The following TMCC1 variants were observed in gnomAD, a reference collection of about 807,000 sequenced individuals.
The protein encoded by TMCC1 is transmembrane and coiled-coil domains protein 1.
Under a neutral mutation model 52.4 loss-of-function variants are expected in TMCC1, and 15 were observed. The observed-to-expected ratio is 0.29, with a 90% CI of 0.19 to 0.44. The LOEUF (loss-of-function observed/expected upper bound fraction) is 0.44, where lower values mean the gene tolerates loss of function less well. Among genes scored for constraint, TMCC1 ranks in the 20% least tolerant of loss-of-function variants. The probability of loss-of-function intolerance (pLI) is 1.00; values close to 1 mark genes in which losing one functional copy is unlikely to be tolerated. For missense variants in TMCC1, 503 were observed against 806.0 expected, an observed-to-expected ratio of 0.62 and a Z score of 4.55; for synonymous variants, 279 against 301.9, an observed-to-expected ratio of 0.92 and a Z score of 0.79.
intron 4 of TMCC1, among the ~76,000 whole-genome samples, chr3:129,797,986 C>CTTTTTTTTTTTTTTTTTTTTTTT (rs11417298): frequency 5.1e-5 from 7 of 136,662 alleles, no homozygotes; most frequent in Non-Finnish European, 4.6e-5. Flanking sequence ...AGTTGTGTGC[C>CTTTTTTTTTTTTTTTTTTTTTTT]TTTTTTTTTT....
intron 4 of TMCC1, among the ~76,000 whole-genome samples, chr3:129,716,329 ATTTTTTTTT>A (rs71155569): frequency 5.4e-5 from 4 of 73,646 alleles, no homozygotes; most frequent in South Asian, 5.7e-4. Flanking sequence ...CACCTGGCAA[ATTTTTTTTT>A]TTTTTTTTTT....
intron 4 of TMCC1, among the ~76,000 whole-genome samples, chr3:129,673,868 C>T (rs1214834742): frequency 1.3e-5 from 2 of 151,896 alleles, no homozygotes; most frequent in African/African-American, 4.8e-5. Flanking sequence ...TTTCAACATA[C>T]AGTCATATGC....
In TMCC1 at chr3:129,835,615, C is replaced by T. The variant is rs578143436; in HGVS notation, c.-183-2789G>A. 1.4e-3 allele frequency among the ~76,000 whole-genome samples: 216 copies of T among 152,164 alleles called. 3 individuals are homozygous for T. The highest frequency in any genetic ancestry group is 3.4e-3 in the Middle Eastern group (1 of 292). On this transcript the variant is annotated intron_variant, in intron 2 of 6. Transcript: ENST00000393238. ...CTTGTACTGTCCAAGAGTGTAAAAG[C>T]GGCAAGCAATCTGCAATATGTTTTT... is the stretch of plus-strand genomic sequence containing the variant.
chr3:129,743,556 T>A (rs1322784987), intron 4 of TMCC1, among the ~76,000 whole-genome samples: 1 of 152,116 alleles, frequency 6.6e-6, no homozygotes, highest in Non-Finnish European at 1.5e-5. Context: ...AGGGTTGTAG[T>A]AACATTATAC....
intron 4 of TMCC1, among the ~76,000 whole-genome samples, chr3:129,821,329 A>AT (rs925728794): frequency 1.3e-4 from 20 of 151,574 alleles, no homozygotes; most frequent in South Asian, 1.0e-3. Context: ...TAATTACTTC[A>AT]TTTTTTTTTA....
At chr3:129,788,441 T>G (rs1365129106) in intron 4 of TMCC1, among the ~76,000 whole-genome samples, 1 of 152,120 alleles carries the variant, frequency 6.6e-6, no homozygotes, top group African/African-American at 2.4e-5. Flanking sequence ...ATACATGACA[T>G]TGATCTTACT....
chr3:129,665,779 T>C (rs181001049), intron 5 of TMCC1, among the ~76,000 whole-genome samples: 2 of 152,244 alleles, frequency 1.3e-5, no homozygotes, highest in Admixed American at 1.3e-4. Context: ...ACTTACTGAG[T>C]GACCTCTGGC....
chr3:129,811,639 T>C (rs1345116832), intron 4 of TMCC1, among the ~76,000 whole-genome samples: 1 of 152,134 alleles, frequency 6.6e-6, no homozygotes, highest in African/African-American at 2.4e-5. Context: ...TATGCATTTT[T>C]TTAAAAAAGA....
At chr3:129,671,363 C>G (rs1335313440) in intron 4 of TMCC1, 99 bp from the exon 5 acceptor site, 1 of 1,258,862 alleles carries the variant, frequency 7.9e-7, no homozygotes, top group Middle Eastern at 1.9e-4. Flanking sequence ...ACTCTCAAAT[C>G]TCAGTAGATA....
intron 4 of TMCC1, among the ~76,000 whole-genome samples, chr3:129,684,875 C>G (rs565816873): frequency 5.7e-4 from 86 of 152,200 alleles, no homozygotes; most frequent in African/African-American, 2.0e-3. Context: ...GTGAAAAAGA[C>G]TGAGGCTTTA....
At chr3:129,857,737 A>AT (rs11436644) in intron 2 of TMCC1, among the ~76,000 whole-genome samples, 95,558 of 151,420 alleles carry the variant, frequency 0.63, 35,379 homozygotes, top group Non-Finnish European at 0.83. Flanking sequence ...AATTTTTTGT[A>AT]TTTTTTTAGT....
chr3:129,712,084 G>C (rs1266259612), intron 4 of TMCC1, among the ~76,000 whole-genome samples: 1 of 151,590 alleles, frequency 6.6e-6, no homozygotes, highest in Non-Finnish European at 1.5e-5. Flanking sequence ...GGCTGAGGCA[G>C]GAGAATCACT....
chr3:129,815,778 A>C (rs2058065970), intron 4 of TMCC1, among the ~76,000 whole-genome samples: 1 of 152,240 alleles, frequency 6.6e-6, no homozygotes, highest in African/African-American at 2.4e-5. Flanking sequence ...GCTTCTGCAC[A>C]GCAAAGGAAA....
intron 4 of TMCC1, among the ~76,000 whole-genome samples, chr3:129,803,884 C>G (rs544242283): frequency 2.0e-5 from 3 of 152,178 alleles, no homozygotes; most frequent in Admixed American, 1.3e-4. Context: ...TTCCATCTCT[C>G]ATACTTAGCA....
chr3:129,760,454 CTGTGTGTGTGTG>C (rs61394124), intron 4 of TMCC1, among the ~76,000 whole-genome samples: 12,087 of 128,998 alleles, frequency 0.094, 1,869 homozygotes, highest in African/African-American at 0.33. Context: ...CAGTCTCGCT[CTGTGTGTGTGTG>C]TGTGTGTGTG....
At chr3:129,777,499 T>C (rs2055136763) in intron 4 of TMCC1, among the ~76,000 whole-genome samples, 1 of 152,174 alleles carries the variant, frequency 6.6e-6, no homozygotes, top group African/African-American at 2.4e-5. Flanking sequence ...ACAAAAGCAT[T>C]TAAATGACTT....
chr3:129,678,001 A>G (rs1332679558), intron 4 of TMCC1, among the ~76,000 whole-genome samples: 2 of 152,162 alleles, frequency 1.3e-5, no homozygotes, highest in Non-Finnish European at 2.9e-5. Context: ...ATCTTGGCTC[A>G]CTGCAACCTC....
intron 3 of TMCC1, among the ~76,000 whole-genome samples, chr3:129,831,229 C>T (rs1324464158): frequency 4.6e-5 from 7 of 152,106 alleles, no homozygotes; most frequent in African/African-American, 9.7e-5. Context: ...CCACTGCACC[C>T]GGCCAAATCA....
At chr3:129,697,306 C>T (rs1365253841) in intron 4 of TMCC1, among the ~76,000 whole-genome samples, 1 of 152,192 alleles carries the variant, frequency 6.6e-6, no homozygotes, top group Non-Finnish European at 1.5e-5. Flanking sequence ...GGTATAGGGC[C>T]TTCACCCTCC....
Sources: gnomAD v4.1 joint callset for allele counts (sites outside exome capture counted in the v4.1 genomes callset) on GRCh38, gnomAD v4.1.1 for gene constraint, MANE v1.5 for transcripts, NCBI Gene and HGNC (gene_info 2026-07-23, HGNC 2026-07-21) for gene names.